The following IGF2BP2 variants were observed in gnomAD, a reference collection of about 807,000 sequenced individuals.
IGF2BP2 encodes the protein insulin-like growth factor 2 mRNA-binding protein 2.
IGF2BP2 carries 17 observed loss-of-function variants against 75.8 expected under a neutral mutation model. That is an observed-to-expected ratio of 0.22 (90% CI 0.15 to 0.34). The LOEUF is 0.34. IGF2BP2 is among the 10% of genes least tolerant of loss of function. IGF2BP2 has a pLI of 1.00. For missense variants in IGF2BP2, 516 were observed against 772.4 expected (o/e 0.67, Z 3.93); for synonymous variants, 288 against 295.6 (o/e 0.97, Z 0.26).
chr3:185,673,337 T>A (rs1046642873), intron 9 of IGF2BP2, among the ~76,000 whole-genome samples: 1 of 152,254 alleles, frequency 6.6e-6, no homozygotes. Flanking sequence ...TGAATGACTG[T>A]TTAAAACAAA....
intron 2 of IGF2BP2, chr3:185,722,452 T>C: frequency 2.9e-6 from 1 of 339,344 alleles, no homozygotes; most frequent in South Asian, 2.2e-5. Flanking sequence ...GATGAACTTT[T>C]ATGAGGAGCA....
At chr3:185,649,645 C>G in intron 13 of IGF2BP2, 111 bp from the exon 14 acceptor site, 1 of 1,424,826 alleles carries the variant, frequency 7.0e-7, no homozygotes, top group Non-Finnish European at 9.6e-7. Context: ...CCCATTCCCA[C>G]ACTCCCTGGG....
intron 1 of IGF2BP2, among the ~76,000 whole-genome samples, chr3:185,823,923 C>T (rs1249348520): frequency 6.6e-6 from 1 of 152,018 alleles, no homozygotes. Flanking sequence ...CTCGCGGGCC[C>T]CCCGGTCGCC....
intron 7 of IGF2BP2, among the ~76,000 whole-genome samples, chr3:185,677,064 T>TAGAGAGAGAGAGAG (rs1227931431): frequency 4.4e-5 from 2 of 45,756 alleles, no homozygotes; most frequent in African/African-American, 2.2e-4. Flanking sequence ...TATATATATA[T>TAGAGAGAGAGAGAG]ATATAGAGAG....
At chr3:185,722,357 A>G (rs1726701441) in intron 2 of IGF2BP2, 1 of 424,398 alleles carries the variant, frequency 2.4e-6, no homozygotes. Flanking sequence ...GGTTATTTTC[A>G]AAAAGTAAGG....
intron 2 of IGF2BP2, among the ~76,000 whole-genome samples, chr3:185,808,847 C>T (rs1359937918): frequency 6.6e-6 from 1 of 152,064 alleles, no homozygotes; most frequent in African/African-American, 2.4e-5. Flanking sequence ...GGATTACAGG[C>T]ATGAGCCACC....
chr3:185,678,329 C>G (rs1719861171), intron 7 of IGF2BP2, among the ~76,000 whole-genome samples: 1 of 152,180 alleles, frequency 6.6e-6, no homozygotes, highest in South Asian at 2.1e-4. Context: ...AACTGCCAAC[C>G]AAGGACACCA....
At chr3:185,818,524 G>T (rs1170075225) in intron 2 of IGF2BP2, among the ~76,000 whole-genome samples, 1 of 152,116 alleles carries the variant, frequency 6.6e-6, no homozygotes, top group African/African-American at 2.4e-5. Context: ...TTCAATTAAA[G>T]ATCTCCTGCT....
At chr3:185,696,170 T>C (rs1722550433) in intron 4 of IGF2BP2, among the ~76,000 whole-genome samples, 1 of 152,202 alleles carries the variant, frequency 6.6e-6, no homozygotes, top group South Asian at 2.1e-4. Flanking sequence ...CCTAGGAGTC[T>C]GCAATTCACA....
chr3:185,758,145 C>T (rs934196756), intron 2 of IGF2BP2, among the ~76,000 whole-genome samples: 5 of 152,232 alleles, frequency 3.3e-5, no homozygotes, highest in African/African-American at 1.2e-4. Flanking sequence ...ATGATATAGG[C>T]AGTCTCTGCC....
rs1713873167 is a variant in IGF2BP2 at position 185,647,935 on chromosome 3, T to G, written c.1594-797A>C. On this transcript the variant is annotated intron_variant, in intron 14 of 15. Coordinates refer to ENST00000382199, the MANE Select transcript of IGF2BP2 (RefSeq NM_006548.6). The surrounding 1 kb of genome is among the most constrained non-coding windows in gnomAD (Gnocchi z 4.9). ...ATTCAGTGACTGGTTCTGAAATAGC[T>G]AAACAGGACACCCAGGGGCTCAGGA... Among the ~76,000 whole-genome samples, 1 of 152,152 alleles carries G rather than the reference T, an allele frequency of 6.6e-6. No individual in the cohort carries two copies. The highest frequency in any genetic ancestry group is 2.4e-5 in the African/African-American group (1 of 41,432).
intron 10 of IGF2BP2, among the ~76,000 whole-genome samples, chr3:185,666,562 G>A (rs1717663854): frequency 6.6e-6 from 1 of 152,170 alleles, no homozygotes; most frequent in Admixed American, 6.6e-5. Context: ...CCCGGAGGCA[G>A]AGGTTACAGT....
intron 11 of IGF2BP2, 46 bp from the exon 12 acceptor site, chr3:185,657,448 T>C: frequency 6.9e-7 from 1 of 1,444,484 alleles, no homozygotes; most frequent in South Asian, 1.2e-5. Flanking sequence ...AACCAGGCTT[T>C]CTCCTCCAGG....
intron 2 of IGF2BP2, among the ~76,000 whole-genome samples, chr3:185,769,368 A>T (rs541911499): frequency 1.3e-4 from 20 of 151,872 alleles, no homozygotes; most frequent in Middle Eastern, 3.4e-3. Context: ...ATTTTTTTTA[A>T]AAAAAAGGTG....
intron 7 of IGF2BP2, among the ~76,000 whole-genome samples, chr3:185,684,353 T>TCC (rs1275290737): frequency 1.3e-5 from 2 of 152,266 alleles, no homozygotes; most frequent in Non-Finnish European, 2.9e-5. Context: ...GGACCTTCAG[T>TCC]TACATGTCAT....
chr3:185,730,586 C>A (rs573092785), intron 2 of IGF2BP2, among the ~76,000 whole-genome samples: 1 of 152,122 alleles, frequency 6.6e-6, no homozygotes, highest in East Asian at 1.9e-4. Context: ...AAGCATGCGC[C>A]ACCACGCCCG....
chr3:185,701,539 A>G (rs1723307765), intron 2 of IGF2BP2, among the ~76,000 whole-genome samples: 1 of 152,154 alleles, frequency 6.6e-6, no homozygotes, highest in African/African-American at 2.4e-5. Flanking sequence ...TGTGGCAAAC[A>G]CTTCACGGTG....
intron 13 of IGF2BP2, among the ~76,000 whole-genome samples, chr3:185,650,454 ATTGT>A (rs1388279082): frequency 1.3e-5 from 2 of 152,102 alleles, no homozygotes; most frequent in Admixed American, 6.6e-5. Flanking sequence ...AGGTGGACAG[ATTGT>A]TTGAGGCCAG....
At chr3:185,711,880 T>G (rs1724853327) in intron 2 of IGF2BP2, among the ~76,000 whole-genome samples, 1 of 152,120 alleles carries the variant, frequency 6.6e-6, no homozygotes, top group Admixed American at 6.6e-5. Flanking sequence ...TCCTGCCCTC[T>G]CCTCTCACTT....
Sources: allele counts gnomAD v4.1 joint callset (sites outside exome capture counted in the v4.1 genomes callset), GRCh38; gene constraint gnomAD v4.1.1; non-coding constraint Gnocchi (gnomAD v3.1); transcripts MANE v1.5; gene names NCBI Gene and HGNC (gene_info 2026-07-23, HGNC 2026-07-21).